The following TRMT44 variants were observed in gnomAD, a reference collection of about 807,000 sequenced individuals.
TRMT44 encodes the protein probable tRNA (uracil-O(2)-)-methyltransferase.
TRMT44 carries 78 observed loss-of-function variants against 77.3 expected under a neutral mutation model. That is an observed-to-expected ratio of 1.01 (90% CI 0.84 to 1.22). The LOEUF (loss-of-function observed/expected upper bound fraction) is 1.22. Among genes scored for constraint, TRMT44 ranks in the 50% most tolerant of loss-of-function variants. TRMT44 has a pLI of 0.00. For synonymous variants in TRMT44, 391 were observed against 383.3 expected (o/e 1.02, Z -0.23); for missense variants, 1,090 against 964.4 (o/e 1.13, Z -1.73).
rs1725435035 is a variant in TRMT44 at position 8,451,306 on chromosome 4, G to A, written c.955-654G>A. On this transcript the variant is annotated intron_variant, in intron 3 of 10. Transcript: ENST00000389737. This position sits in a 1 kb window ranked among gnomAD's most constrained non-coding sequence, Gnocchi z 4.1. ...TCCAGCTTTTGAAATTGTTTCTAGT[G>A]GGATGGTTCATCTGTATTGTCTAAG... is the stretch of plus-strand genomic sequence containing the variant. Among the ~76,000 whole-genome samples the A allele has an allele frequency of 6.6e-6, 1 of 152,102 alleles. No individual in the cohort carries two copies. The highest frequency in any genetic ancestry group is 6.5e-5 in the Admixed American group (1 of 15,268).
chr4:8,445,941 T>C (rs533130846), intron 1 of TRMT44, among the ~76,000 whole-genome samples: 1 of 152,298 alleles, frequency 6.6e-6, no homozygotes, highest in South Asian at 2.1e-4. Flanking sequence ...ATGCTGTAAA[T>C]TTAGCTTAGG....
downstream of TRMT44, chr4:8,477,424 CTTTGGGGCAGGCCCCAG>C (rs1467385502): frequency 2.0e-5 from 3 of 152,296 alleles, no homozygotes; most frequent in African/African-American, 7.2e-5. Context: ...CTCCGTGGCC[CTTTGGGGCAGGCCCCAG>C]TTTGTCGAGC....
intron 2 of TRMT44, among the ~76,000 whole-genome samples, chr4:8,447,311 G>C (rs985020509): frequency 1.1e-4 from 16 of 152,330 alleles, no homozygotes; most frequent in African/African-American, 3.1e-4. Flanking sequence ...GGCCTGTATA[G>C]AAAGTATAAA....
chr4:8,509,340 G>A, the TRMT44 span: 1 of 152,780 alleles, frequency 6.5e-6, no homozygotes, highest in African/African-American at 2.4e-5. Context: ...GAGTGGCTGT[G>A]TAAGGTGCCC....
rs370076657 is a variant in TRMT44 at position 8,465,879 on chromosome 4, C to A, written c.1494+318C>A. On this transcript the variant is annotated intron_variant, in intron 8 of 10. Coordinates refer to ENST00000389737, the MANE Select transcript of TRMT44 (RefSeq NM_152544.3). The stretch of plus-strand genomic sequence containing the variant: ...CTCAGTGTGGCCTGTGGCTGACCTC[C>A]CTGTGGAAAGTTCCTGCTCCTTCAA... Among the ~76,000 whole-genome samples the A allele has an allele frequency of 1.1e-4, 17 of 152,346 alleles. No homozygotes were observed. In the East Asian group the frequency reaches 2.9e-3, roughly 26 times the overall value.
downstream of TRMT44, among the ~76,000 whole-genome samples, chr4:8,495,581 C>T (rs771363932): frequency 1.8e-4 from 28 of 152,152 alleles, no homozygotes; most frequent in Non-Finnish European, 3.4e-4. Context: ...TTATTTGGTG[C>T]ATGGAGAGGG....
chr4:8,497,668 A>G (rs1237490542), downstream of TRMT44, among the ~76,000 whole-genome samples: 2 of 152,192 alleles, frequency 1.3e-5, no homozygotes, highest in African/African-American at 2.4e-5. Flanking sequence ...CAAACAAAAA[A>G]ACCCTGCTCT....
chr4:8,469,517 A>C (rs551877013), intron 9 of TRMT44, among the ~76,000 whole-genome samples: 70 of 152,284 alleles, frequency 4.6e-4, no homozygotes, highest in African/African-American at 1.5e-3. Context: ...TTTGACCTTT[A>C]AATTCCCAGG....
At chr4:8,457,083 G>A (rs1294174491) in intron 6 of TRMT44, among the ~76,000 whole-genome samples, 1 of 140,732 alleles carries the variant, frequency 7.1e-6, no homozygotes, top group Non-Finnish European at 1.5e-5. Context: ...CAAGGAGAAA[G>A]GATGTCTGCC....
At chr4:8,490,417 G>A (rs949691971) in intron 2 of TRMT44, among the ~76,000 whole-genome samples, 1 of 152,096 alleles carries the variant, frequency 6.6e-6, no homozygotes, top group East Asian at 1.9e-4. Context: ...GCTGGCTCAG[G>A]AGTGAAGCTG....
Position 8,440,982 on chromosome 4 carries a change from G to C in TRMT44, c.160G>C (p.Ala54Pro). The change falls in exon 1 of 11, where the codon GCG becomes CCG. Residue 54 changes from alanine (A) to proline (P), a missense_variant. Coordinates refer to ENST00000389737, the MANE Select transcript of TRMT44 (RefSeq NM_152544.3). The part of the protein sequence containing the change: ...EARWSAALPC[A>P]EARGPGTSAG... ...CCGCTGGAGCGCCGCCCTGCCCTGC[G>C]CGGAGGCCCGCGGCCCCGGGACTAG... 6.6e-7 allele frequency: 1 copy of C among 1,523,510 alleles called. No individual in the cohort carries two copies. Among genetic ancestry groups the C allele is most frequent in the Non-Finnish European group, 8.8e-7 (1 of 1,142,418 alleles). 94.4% of individuals were successfully genotyped at this position (1,523,510 alleles called of 1,614,324 possible). A position where few individuals can be genotyped will look rare whatever the true frequency, so the allele number is the denominator to read the frequency against.
the TRMT44 span, chr4:8,510,525 C>G: frequency 6.5e-6 from 1 of 152,764 alleles, no homozygotes; most frequent in Non-Finnish European, 1.5e-5. Flanking sequence ...AGTCACAGGT[C>G]CTGGAGATTT....
chr4:8,441,101 G>A lies in TRMT44; in HGVS notation c.279G>A (p.Gln93=). The A allele has an allele frequency of 6.6e-7, 1 of 1,514,610 alleles. No homozygotes were observed. The highest frequency in any genetic ancestry group is 1.2e-5 in the South Asian group (1 of 81,318). The allele number at this position is 1,514,610 out of a possible 1,614,324, so 93.8% of individuals were successfully genotyped here. Residue 93 remains glutamine (Q), a synonymous_variant, in exon 1 of 11, where the codon CAG becomes CAA. Transcript: ENST00000389737. ...CCAGGTCGCTATCAGGACCCGAGCA[G>A]GGCACGGCATGTTGCGAACTTGAGG... ...PGPRSLSGPE[Q]GTACCELEEA... is the part of the protein sequence containing the mutation.
At chr4:8,475,713 G>A in intron 10 of TRMT44, 59 bp from the exon 11 acceptor site, 1 of 1,545,312 alleles carries the variant, frequency 6.5e-7, no homozygotes. Flanking sequence ...AGAGAGGCTG[G>A]TGAATTAAGG....
chr4:8,453,690 C>G (rs1166021477), intron 5 of TRMT44: 1 of 152,142 alleles, frequency 6.6e-6, no homozygotes, highest in Non-Finnish European at 1.5e-5. Flanking sequence ...CTGGAACTTC[C>G]TGCCAGCAAC....
chr4:8,486,187 G>A (rs1443688308), intron 2 of TRMT44, among the ~76,000 whole-genome samples: 1 of 152,220 alleles, frequency 6.6e-6, no homozygotes, highest in African/African-American at 2.4e-5. Flanking sequence ...AGCTTAGGGG[G>A]AATCTCGGGC....
chr4:8,478,467 C>A (rs1330023229), downstream of TRMT44: 1 of 152,588 alleles, frequency 6.6e-6, no homozygotes, highest in African/African-American at 2.4e-5. Context: ...TCTCCAGGTT[C>A]CAGGTACCAT....
chr4:8,464,646 C>G (rs1011456816), intron 7 of TRMT44, among the ~76,000 whole-genome samples: 10 of 152,214 alleles, frequency 6.6e-5, no homozygotes, highest in Admixed American at 3.9e-4. Flanking sequence ...GGTGAAAGAT[C>G]AGGTCTTCGC....
chr4:8,490,341 G>A lies in TRMT44; in HGVS notation n.3892-2925G>A, dbSNP rs566000050. On this transcript the variant is annotated intron_variant and non_coding_transcript_variant, in intron 2 of 2. Transcript: ENST00000511366. ...TTACAGCTCTTAAGGTGGTGCGTCC[G>A]GAGTTTGTTCCTTCTGATGCTCAGA... Among the ~76,000 whole-genome samples, 8 of 152,154 alleles carry A rather than the reference G, an allele frequency of 5.3e-5. No individual in the cohort carries two copies. In the South Asian group the frequency reaches 6.2e-4, roughly 12 times the overall value.
Sources: gnomAD v4.1 joint callset for allele counts (sites outside exome capture counted in the v4.1 genomes callset) on GRCh38, gnomAD v4.1.1 for gene constraint, Gnocchi (gnomAD v3.1) non-coding constraint, MANE v1.5 for transcripts, NCBI Gene and HGNC (gene_info 2026-07-23, HGNC 2026-07-21) for gene names.